Variants in GLIS3 observed in about 807,000 individuals in gnomAD.
The protein encoded by GLIS3 is zinc finger protein GLIS3.
Under a neutral mutation model 78.6 loss-of-function variants are expected in GLIS3, and 53 were observed. The ratio of observed to expected loss-of-function variants is 0.67; its 90% CI spans 0.54 to 0.85. The LOEUF (loss-of-function observed/expected upper bound fraction) is 0.85. Among genes scored for constraint, GLIS3 ranks in the 40% least tolerant of loss-of-function variants. The pLI is 0.00. For missense variants in GLIS3, 1,703 were observed against 1,231.1 expected, an observed-to-expected ratio of 1.38 and a Z score of -5.74; for synonymous variants, 684 against 509.9, an observed-to-expected ratio of 1.34 and a Z score of -4.60.
At chr9:4,197,148 T>A (rs1413655064) in intron 2 of GLIS3, among the ~76,000 whole-genome samples, 3 of 152,078 alleles carry the variant, frequency 2.0e-5, no homozygotes, top group African/African-American at 4.8e-5. Flanking sequence ...GCAGTGGGGC[T>A]CTCTGTGCTC....
At chr9:4,435,942 C>G in the GLIS3 span, among the ~76,000 whole-genome samples, 2 of 146,948 alleles carry the variant, frequency 1.4e-5, no homozygotes, top group Admixed American at 6.8e-5. Context: ...GAGCCAGACT[C>G]CGTCTCAAAA....
chr9:4,208,885 T>C (rs1359304388), intron 2 of GLIS3, among the ~76,000 whole-genome samples: 1 of 152,180 alleles, frequency 6.6e-6, no homozygotes, highest in Admixed American at 6.5e-5. Flanking sequence ...AGCCTCCAGC[T>C]TTCATGATAT....
chr9:4,136,151 T>C (rs1833391625), intron 2 of GLIS3, among the ~76,000 whole-genome samples: 1 of 152,158 alleles, frequency 6.6e-6, no homozygotes, highest in African/African-American at 2.4e-5. Flanking sequence ...TAAGGAATGC[T>C]GGATATAACA....
the GLIS3 span, among the ~76,000 whole-genome samples, chr9:4,473,080 G>A: frequency 4.8e-3 from 725 of 152,252 alleles, 2 homozygotes; most frequent in Non-Finnish European, 8.6e-3. Context: ...CACCAACAGT[G>A]TATACGCATT....
chr9:4,168,452 T>A (rs1351507095), intron 2 of GLIS3, among the ~76,000 whole-genome samples: 1 of 152,074 alleles, frequency 6.6e-6, no homozygotes, highest in Non-Finnish European at 1.5e-5. Context: ...TGCAAAGAAA[T>A]GTTCCCACAA....
chr9:4,160,476 C>G (rs1835388112), intron 2 of GLIS3, among the ~76,000 whole-genome samples: 1 of 152,226 alleles, frequency 6.6e-6, no homozygotes, highest in Non-Finnish European at 1.5e-5. Flanking sequence ...CCTGGCATAG[C>G]TTGAACCACA....
chr9:4,307,346 C>T (rs4741951), intron 4 of GLIS3, among the ~76,000 whole-genome samples: 151,926 of 152,302 alleles, frequency 1, 75,776 homozygotes, highest in Non-Finnish European at 1. Flanking sequence ...ATAAATTATA[C>T]ATGTAATGAC....
intron 4 of GLIS3, among the ~76,000 whole-genome samples, chr9:4,053,295 G>A (rs1825870228): frequency 6.6e-6 from 1 of 152,096 alleles, no homozygotes; most frequent in African/African-American, 2.4e-5. Context: ...AGGGGCCATT[G>A]TGGGATCAAG....
At chr9:4,416,252 T>TAA in the GLIS3 span, among the ~76,000 whole-genome samples, 207 of 75,820 alleles carry the variant, frequency 2.7e-3, 3 homozygotes, top group Non-Finnish European at 3.7e-3. Flanking sequence ...ACACTGTTTT[T>TAA]AAAAAAAAAA....
intron 9 of GLIS3, among the ~76,000 whole-genome samples, chr9:3,831,894 T>G (rs1365112023): frequency 6.6e-6 from 1 of 152,124 alleles, no homozygotes; most frequent in East Asian, 1.9e-4. Flanking sequence ...GGATCAGTTG[T>G]ATGGATGCCT....
rs1263003743 is a variant in GLIS3, at chr9:4,117,847, C to G, written c.1631G>C (p.Arg544Thr). The G allele has an allele frequency of 6.2e-7, 1 of 1,614,192 alleles. No individual in the cohort carries two copies. Among genetic ancestry groups the G allele is most frequent in the East Asian group, 2.2e-5 (1 of 44,882 alleles). Residue 544 changes from arginine to threonine, a missense_variant, in exon 4 of 11, where the codon AGA becomes ACA. Arg to Thr is a moderately conservative substitution (Grantham distance 71, BLOSUM62 -1). Coordinates refer to ENST00000381971, the MANE Select transcript of GLIS3 (RefSeq NM_001042413.2). ...FTCFWAGCPRRYKPFNARYKL... is the reference protein window; with the variant it reads ...FTCFWAGCPRTYKPFNARYKL... ...ATAGCGGGCGTTGAAGGGCTTGTAT[C>G]TTCGAGGGCAACCGGCCCAGAAGCA...
chr9:4,368,338 G>GT, the GLIS3 span, among the ~76,000 whole-genome samples: 4,231 of 135,122 alleles, frequency 0.031, 158 homozygotes, highest in African/African-American at 0.092. Context: ...CAAGAACCCT[G>GT]TTTTTTTTTT....
chr9:4,298,283 G>C (rs1462001323), intron 1 of GLIS3: 5 of 444,588 alleles, frequency 1.1e-5, no homozygotes, highest in South Asian at 8.0e-5. Context: ...TCCTCACCCT[G>C]TGGTTTCCTT....
intron 2 of GLIS3, among the ~76,000 whole-genome samples, chr9:4,276,259 G>C (rs970663144): frequency 1.4e-5 from 2 of 144,802 alleles, no homozygotes; most frequent in Non-Finnish European, 3.0e-5. Flanking sequence ...CTGGGCAACA[G>C]AGTAAGACTG....
rs191645323 is a variant in GLIS3, at chr9:4,325,083, G to A, written n.265-14555C>T. On this transcript the variant is annotated intron_variant and non_coding_transcript_variant, in intron 2 of 4. Transcript: ENST00000471664. ...CTCAGAAATTAAATAATTTGTCCAG[G>A]CCACACAGCTGGTAAGTCCTCAAAC... Among the ~76,000 whole-genome samples the A allele has an allele frequency of 6.6e-5, 10 of 152,206 alleles. No homozygotes were observed. In the East Asian group the frequency reaches 1.9e-3, roughly 29 times the overall value.
intron 2 of GLIS3, among the ~76,000 whole-genome samples, chr9:4,239,441 A>C (rs1381204715): frequency 1.1e-4 from 17 of 152,178 alleles, no homozygotes; most frequent in Non-Finnish European, 8.8e-5. Context: ...GAACGAACCT[A>C]GATTACAGGC....
chr9:4,262,651 A>T (rs1045343886), intron 2 of GLIS3, among the ~76,000 whole-genome samples: 2 of 152,150 alleles, frequency 1.3e-5, no homozygotes, highest in African/African-American at 4.8e-5. Context: ...TTTTTATTTC[A>T]TTCTTATATA....
intron 2 of GLIS3, among the ~76,000 whole-genome samples, chr9:4,179,427 G>C (rs981112220): frequency 5.9e-5 from 9 of 152,110 alleles, no homozygotes; most frequent in Non-Finnish European, 1.3e-4. Context: ...TATGTAGGTA[G>C]CTATACTCCC....
At chr9:3,995,976 A>C (rs1364066325) in intron 4 of GLIS3, among the ~76,000 whole-genome samples, 1 of 152,176 alleles carries the variant, frequency 6.6e-6, no homozygotes, top group East Asian at 1.9e-4. Flanking sequence ...AATTCTAAGC[A>C]AGACTAATAA....
Sources: gnomAD v4.1 joint callset for allele counts (sites outside exome capture counted in the v4.1 genomes callset) on GRCh38, gnomAD v4.1.1 for gene constraint, MANE v1.5 for transcripts, NCBI Gene and HGNC (gene_info 2026-07-23, HGNC 2026-07-21) for gene names.